Variants in UBAC2 observed in about 807,000 individuals in gnomAD.
UBAC2 encodes the protein ubiquitin-associated domain-containing protein 2.
In UBAC2, 26 loss-of-function variants were observed where a neutral mutation model predicts 44.0. The ratio of observed to expected loss-of-function variants is 0.59; its 90% confidence interval spans 0.43 to 0.82. UBAC2 has a LOEUF of 0.82. Among genes scored for constraint, UBAC2 ranks in the 40% least tolerant of loss-of-function variants. The pLI, the probability that UBAC2 is intolerant of heterozygous loss-of-function variation, is 0.00. For synonymous variants in UBAC2, 155 were observed against 154.3 expected, an observed-to-expected ratio of 1.00 and a Z score of -0.04; for missense variants, 329 against 419.4, an observed-to-expected ratio of 0.78 and a Z score of 1.88.
chr13:99,202,833 C>G (rs1002126464), intron 1 of UBAC2, among the ~76,000 whole-genome samples: 1 of 152,076 alleles, frequency 6.6e-6, no homozygotes, highest in African/African-American at 2.4e-5. Context: ...TGGGCATCTC[C>G]TCTGGGCGAT....
intron 4 of UBAC2, chr13:99,294,860 T>A: frequency 2.2e-6 from 1 of 455,376 alleles, no homozygotes; most frequent in Non-Finnish European, 3.8e-6. Context: ...AATATTTATT[T>A]GCATTTTTAT....
At chr13:99,321,687 A>C (rs2044571016) in intron 6 of UBAC2, among the ~76,000 whole-genome samples, 1 of 152,192 alleles carries the variant, frequency 6.6e-6, no homozygotes. Flanking sequence ...AAAATATTCC[A>C]CTGATTAAAA....
chr13:99,305,531 T>C (rs1299649368), intron 4 of UBAC2, among the ~76,000 whole-genome samples: 1 of 152,220 alleles, frequency 6.6e-6, no homozygotes, highest in Non-Finnish European at 1.5e-5. Flanking sequence ...TTTTATCCTA[T>C]AGAATGCTAC....
At chr13:99,210,478 CTTTT>C (rs67744400) in intron 1 of UBAC2, among the ~76,000 whole-genome samples, 4 of 112,604 alleles carry the variant, frequency 3.6e-5, no homozygotes, top group African/African-American at 3.3e-5. Context: ...TTTTTCTTTT[CTTTT>C]TTTTTTTTTT....
intron 7 of UBAC2, among the ~76,000 whole-genome samples, chr13:99,345,807 A>C (rs2044970089): frequency 7.4e-6 from 1 of 134,774 alleles, no homozygotes; most frequent in African/African-American, 2.9e-5. Context: ...CAGTGGCGTG[A>C]TCTTGGCTCA....
chr13:99,337,971 T>C (rs1012711604), intron 6 of UBAC2, among the ~76,000 whole-genome samples: 4 of 148,930 alleles, frequency 2.7e-5, no homozygotes, highest in African/African-American at 9.8e-5. Flanking sequence ...CCACACATAA[T>C]ATACACTAAC....
intron 4 of UBAC2, among the ~76,000 whole-genome samples, chr13:99,257,175 A>C (rs896100421): frequency 6.6e-6 from 1 of 151,980 alleles, no homozygotes; most frequent in African/African-American, 2.4e-5. Context: ...GCATAATTCT[A>C]TATATTTAAA....
At chr13:99,255,285 G>GA (rs748201402) in intron 4 of UBAC2, 3 of 1,613,788 alleles carry the variant, frequency 1.9e-6, no homozygotes, top group Non-Finnish European at 2.5e-6. Context: ...AAGGAATCAA[G>GA]AAAAAAAATG....
In UBAC2 at chr13:99,278,271, TTAAC is replaced by T. The variant is rs373261228; in HGVS notation, c.389+33649_389+33652del. 3.8e-3 allele frequency among the ~76,000 whole-genome samples: 573 copies of T among 152,312 alleles called. 6 individuals are homozygous for T. Among genetic ancestry groups the T allele is most frequent in the South Asian group, 0.011 (52 of 4,814 alleles). ...TTCATTTGGGCTATGCTATTATTAA[TTAAC>T]TGTTACCACATTATTAATACATGTG... On this transcript the variant is annotated intron_variant, in intron 4 of 8. Coordinates refer to ENST00000403766, the MANE Select transcript of UBAC2 (RefSeq NM_001144072.2).
At chr13:99,272,117 T>C (rs2043823427) in intron 4 of UBAC2, among the ~76,000 whole-genome samples, 1 of 152,210 alleles carries the variant, frequency 6.6e-6, no homozygotes, top group African/African-American at 2.4e-5. Context: ...CCCAGCTCTC[T>C]TTCCTTGAGC....
chr13:99,378,308 C>T (rs149320388), intron 8 of UBAC2, among the ~76,000 whole-genome samples: 4,642 of 152,232 alleles, frequency 0.03, 95 homozygotes, highest in Middle Eastern at 0.13. Context: ...GGGCAGATCA[C>T]TTGAGGTCAG....
intron 4 of UBAC2, among the ~76,000 whole-genome samples, chr13:99,270,505 AT>A (rs2043801417): frequency 6.6e-6 from 1 of 152,212 alleles, no homozygotes; most frequent in Non-Finnish European, 1.5e-5. Context: ...CAAGTGTTAG[AT>A]TTTAATTACT....
At position 99,315,821 on chromosome 13, in the gene UBAC2, G is replaced by A. The variant is rs183909606; in HGVS notation, c.513+1601G>A. ...AAATGTATTTCTTGTTTTGTTTTTG[G>A]CATAAAGCAAGTAGTATGTTTCATC... On this transcript the variant is annotated intron_variant, in intron 5 of 8. Coordinates refer to ENST00000403766, the MANE Select transcript of UBAC2 (RefSeq NM_001144072.2). Among the ~76,000 whole-genome samples, 7 of 151,474 alleles carry A rather than the reference G, an allele frequency of 4.6e-5. 1 individual carries two copies. In the East Asian group the frequency reaches 7.8e-4, roughly 17 times the overall value.
Position 99,338,071 on chromosome 13 carries a change from T to TTTTTTTTTTTA in UBAC2, c.562-2245_562-2244insTTTTTTATTTT, listed in dbSNP as rs1555330450. On this transcript the variant is annotated intron_variant, in intron 6 of 8. Coordinates refer to ENST00000403766, the MANE Select transcript of UBAC2 (RefSeq NM_001144072.2). Reference sequence around the variant, plus strand: ...TCTTTTTTTTTTTTTTTTTTTTTTTTTTTTGAGACAGAGTCTCACTGTGTC... The same window carrying TTTTTTTTTTTA: ...TCTTTTTTTTTTTTTTTTTTTTTTTTTTTTTTTTTTATTTTGAGACAGAGTCTCACTGTGTC... 3.5e-3 allele frequency among the ~76,000 whole-genome samples: 364 copies of TTTTTTTTTTTA among 105,122 alleles called. 4 individuals carry two copies. Among genetic ancestry groups the TTTTTTTTTTTA allele is most frequent in the Non-Finnish European group, 5.6e-3 (293 of 52,650 alleles). 69.0% of individuals were successfully genotyped at this position (105,122 alleles called of 152,430 possible). A position where few individuals can be genotyped will look rare whatever the true frequency, so the allele number is the denominator to read the frequency against.
rs570085900 is a variant in UBAC2 at position 99,206,243 on chromosome 13, A to C, written c.31+5304A>C. Among the ~76,000 whole-genome samples, 6 of 152,210 alleles carry C rather than the reference A, an allele frequency of 3.9e-5. No homozygotes were observed. The South Asian group carries it at 1.2e-3, about 32-fold the overall frequency. On this transcript the variant is annotated intron_variant, in intron 1 of 8. Coordinates refer to ENST00000403766, the MANE Select transcript of UBAC2 (RefSeq NM_001144072.2). Reference sequence around the variant, plus strand: ...GGACTGGATTGGACATGAGTAGGTGAGAGTTAGGTTGTGGGTGTGAGTGAG... The same window carrying C: ...GGACTGGATTGGACATGAGTAGGTGCGAGTTAGGTTGTGGGTGTGAGTGAG...
intron 4 of UBAC2, among the ~76,000 whole-genome samples, chr13:99,252,582 A>G (rs1192883605): frequency 6.6e-6 from 1 of 152,200 alleles, no homozygotes; most frequent in Non-Finnish European, 1.5e-5. Flanking sequence ...TAAAAGCCAT[A>G]TGTGTTAGGC....
intron 4 of UBAC2, among the ~76,000 whole-genome samples, chr13:99,288,569 G>T (rs1594090800): frequency 6.6e-6 from 1 of 152,218 alleles, no homozygotes; most frequent in African/African-American, 2.4e-5. Flanking sequence ...AGATAAAGTA[G>T]CATAGCAGTC....
At chr13:99,271,226 G>A (rs1359272436) in intron 4 of UBAC2, among the ~76,000 whole-genome samples, 2 of 152,210 alleles carry the variant, frequency 1.3e-5, no homozygotes, top group African/African-American at 4.8e-5. Context: ...ATGCCAGGGT[G>A]TGAGTGGGAT....
At chr13:99,303,063 C>A (rs1268508639) in intron 4 of UBAC2, among the ~76,000 whole-genome samples, 1 of 152,076 alleles carries the variant, frequency 6.6e-6, no homozygotes, top group Non-Finnish European at 1.5e-5. Context: ...AGCCGAGGGG[C>A]TTAGTAGAGG....
Sources: gnomAD v4.1 joint callset for allele counts (sites outside exome capture counted in the v4.1 genomes callset) on GRCh38, gnomAD v4.1.1 for gene constraint, MANE v1.5 for transcripts, NCBI Gene and HGNC (gene_info 2026-07-23, HGNC 2026-07-21) for gene names.